The following CNTN6 variants were observed in gnomAD, a reference collection of about 807,000 sequenced individuals.
The protein encoded by CNTN6 is contactin 6, also known as contactin-6.
CNTN6 carries 137 observed loss-of-function variants against 122.8 expected under a neutral mutation model. That is an observed-to-expected ratio of 1.12 (90% confidence interval 0.97 to 1.29). The LOEUF is 1.29. CNTN6 is among the 50% of genes most tolerant of loss of function. The pLI, the probability that CNTN6 is intolerant of heterozygous loss-of-function variation, is 0.00. For synonymous variants in CNTN6, 570 were observed against 426.0 expected (o/e 1.34, Z -4.16); for missense variants, 1,634 against 1,223.4 (o/e 1.34, Z -5.01).
chr3:1,191,332 A>G (rs533940709), intron 2 of CNTN6, among the ~76,000 whole-genome samples: 20 of 152,242 alleles, frequency 1.3e-4, no homozygotes, highest in Admixed American at 2.0e-4. Flanking sequence ...AGAAGCTTGG[A>G]ACTTTCAGTC....
rs3772354 is a variant in CNTN6 at position 1,195,496 on chromosome 3, T to C, written c.56-25191T>C. Among the ~76,000 whole-genome samples, 21 of 152,332 alleles carry C rather than the reference T, an allele frequency of 1.4e-4. 1 individual carries two copies. Among genetic ancestry groups the C allele is most frequent in the East Asian group, 1.2e-3 (6 of 5,182 alleles). On this transcript the variant is annotated intron_variant, in intron 2 of 22. Coordinates refer to ENST00000446702, the MANE Select transcript of CNTN6 (RefSeq NM_001289080.2). Reference sequence around the variant, plus strand: ...TAGAGTTTTGATGAAGACTTGTAAATTCCCCCTGTTCCTTAGAAAGAGTGC... The same window carrying C: ...TAGAGTTTTGATGAAGACTTGTAAACTCCCCCTGTTCCTTAGAAAGAGTGC...
chr3:1,254,282 A>G (rs1429347500), intron 4 of CNTN6, among the ~76,000 whole-genome samples: 2 of 152,072 alleles, frequency 1.3e-5, no homozygotes, highest in East Asian at 3.9e-4. Context: ...TTTGTTTATA[A>G]TATTTATATA....
rs548648517 is a variant in CNTN6 at position 1,338,705 on chromosome 3, A to G, written c.1364+8770A>G. Among the ~76,000 whole-genome samples the G allele has an allele frequency of 2.0e-5, 3 of 152,300 alleles. No individual in the cohort carries two copies. The South Asian group carries it at 6.2e-4, about 32-fold the overall frequency. ...GTGACACTTGTATCTTCAAAATTTT[A>G]CATAAATATTCAACAGCAATAATTT... is the stretch of plus-strand genomic sequence containing the variant. On this transcript the variant is annotated intron_variant, in intron 11 of 22. Coordinates refer to ENST00000446702, the MANE Select transcript of CNTN6 (RefSeq NM_001289080.2).
chr3:1,359,232 G>A (rs1202414751), intron 12 of CNTN6, among the ~76,000 whole-genome samples: 2 of 152,180 alleles, frequency 1.3e-5, no homozygotes, highest in Non-Finnish European at 2.9e-5. Context: ...AAACAGAGTA[G>A]TTGTCATATC....
chr3:1,328,270 T>C (rs143698998), intron 10 of CNTN6, among the ~76,000 whole-genome samples: 107 of 151,928 alleles, frequency 7.0e-4, no homozygotes, highest in African/African-American at 2.4e-3. Flanking sequence ...GTGCTGAGAT[T>C]AAAGCAATTT....
chr3:1,206,558 T>A (rs1375323270), intron 2 of CNTN6, among the ~76,000 whole-genome samples: 1 of 152,142 alleles, frequency 6.6e-6, no homozygotes, highest in Non-Finnish European at 1.5e-5. Flanking sequence ...TAATGTAGTA[T>A]CCCATCTCAA....
chr3:1,253,765 ACT>A (rs1168712242), intron 4 of CNTN6, among the ~76,000 whole-genome samples: 1 of 151,772 alleles, frequency 6.6e-6, no homozygotes, highest in African/African-American at 2.4e-5. Context: ...AGGCGGTAAC[ACT>A]CTCTCACCTG....
chr3:1,113,498 G>A (rs953666822), intron 1 of CNTN6, among the ~76,000 whole-genome samples: 6 of 152,080 alleles, frequency 3.9e-5, no homozygotes, highest in Non-Finnish European at 8.8e-5. Flanking sequence ...CTCAATATGC[G>A]AACAACTTCA....
chr3:1,371,803 G>A (rs979260203), intron 12 of CNTN6, among the ~76,000 whole-genome samples: 16 of 152,168 alleles, frequency 1.1e-4, no homozygotes, highest in Middle Eastern at 3.4e-3. Context: ...TTAGAGCTAC[G>A]TCAAAGACAG....
At chr3:1,400,273 T>C (rs1380243780) in intron 20 of CNTN6, among the ~76,000 whole-genome samples, 1 of 152,104 alleles carries the variant, frequency 6.6e-6, no homozygotes, top group Non-Finnish European at 1.5e-5. Flanking sequence ...AAAATAGTCA[T>C]GTGGACTCAG....
intron 11 of CNTN6, among the ~76,000 whole-genome samples, chr3:1,335,404 G>A (rs543226175): frequency 6.6e-6 from 1 of 152,150 alleles, no homozygotes. Flanking sequence ...GCAACTGAGG[G>A]AATCAATTCC....
Position 1,321,735 on chromosome 3 carries a change from G to C in CNTN6, c.847G>C (p.Glu283Gln). ...VKYSKSQAIL[E>Q]IPNFQQEDEG... is the part of the protein sequence containing the mutation. ...GTACAGCAAATCCCAAGCTATCCTT[G>C]AAATCCCGAACTTCCAACAAGAAGA... Residue 283 changes from glutamate to glutamine, a missense_variant, in exon 8 of 23, where the codon GAA (glutamate) becomes CAA (glutamine). Physicochemically the swap from Glu to Gln is conservative, Grantham distance 29 (BLOSUM62 2). Transcript: ENST00000446702. 1 of 1,611,888 alleles carries C rather than the reference G, an allele frequency of 6.2e-7. No individual in the cohort carries two copies. The highest frequency in any genetic ancestry group is 8.5e-7 in the Non-Finnish European group (1 of 1,178,662).
chr3:1,340,872 T>G (rs1703784314), intron 11 of CNTN6, among the ~76,000 whole-genome samples: 1 of 152,154 alleles, frequency 6.6e-6, no homozygotes, highest in South Asian at 2.1e-4. Context: ...ATCATTAGCG[T>G]TCCAGCCCTG....
intron 4 of CNTN6, among the ~76,000 whole-genome samples, chr3:1,268,115 G>A (rs114061863): frequency 0.04 from 6,082 of 152,322 alleles, 137 homozygotes; most frequent in Non-Finnish European, 0.052. Flanking sequence ...AGAACAAAAG[G>A]TGAGAAAATG....
At position 1,385,620 on chromosome 3, in the gene CNTN6, T is replaced by A. The variant is rs1393218711; in HGVS notation, c.2527T>A (p.Trp843Arg). 1 of 1,612,510 alleles carries A rather than the reference T, an allele frequency of 6.2e-7. No homozygotes were observed. Among genetic ancestry groups the A allele is most frequent in the Non-Finnish European group, 8.5e-7 (1 of 1,179,440 alleles). Residue 843 changes from tryptophan (W) to arginine (R), a missense_variant, in exon 20 of 23, where the codon TGG (tryptophan) becomes AGG (arginine). Trp to Arg is a moderately radical substitution (Grantham distance 101, BLOSUM62 -3). Transcript: ENST00000446702. ...GGTTTTTAATTATCAGGTCTTATAC[T>A]GGACAGATGACTCCAAAGAATCCAT... ...GRVLGYEVLY[W>R]TDDSKESMIG...
At chr3:1,403,267 C>T (rs759629182) in intron 22 of CNTN6, 51 bp from the exon 23 acceptor site, 122 of 1,193,008 alleles carry the variant, frequency 1.0e-4, no homozygotes, top group Non-Finnish European at 1.2e-4. Flanking sequence ...ATTAATCTAA[C>T]AGGCAATACT....
intron 5 of CNTN6, among the ~76,000 whole-genome samples, chr3:1,289,188 T>C (rs1402425588): frequency 6.6e-6 from 1 of 152,128 alleles, no homozygotes; most frequent in African/African-American, 2.4e-5. Flanking sequence ...GTTTTTTTTT[T>C]CTTTCCCCAT....
chr3:1,313,583 G>A (rs1410259047), intron 7 of CNTN6, among the ~76,000 whole-genome samples: 2 of 151,996 alleles, frequency 1.3e-5, no homozygotes, highest in South Asian at 2.1e-4. Context: ...ATTTGCCTGC[G>A]TCCTTTTTTT....
At chr3:1,388,538 C>T (rs921121289) in intron 20 of CNTN6, among the ~76,000 whole-genome samples, 100 of 151,256 alleles carry the variant, frequency 6.6e-4, no homozygotes, top group Non-Finnish European at 1.3e-3. Flanking sequence ...AGTTCCTCAC[C>T]AGCAACGGAA....
Sources: allele counts gnomAD v4.1 joint callset (sites outside exome capture counted in the v4.1 genomes callset), GRCh38; gene constraint gnomAD v4.1.1; transcripts MANE v1.5; gene names NCBI Gene and HGNC (gene_info 2026-07-23, HGNC 2026-07-21).